MCM9: variants seen among roughly 807,000 people sequenced by gnomAD.
MCM9 encodes minichromosome maintenance 9 homologous recombination repair factor.
A neutral mutation model predicts 72.8 loss-of-function variants in MCM9; 55 were observed. That is an observed-to-expected ratio of 0.76 (90% CI 0.61 to 0.95). The LOEUF (loss-of-function observed/expected upper bound fraction) is 0.95. MCM9 is among the 40% of genes least tolerant of loss of function. The pLI is 0.00. For synonymous variants in MCM9, 480 were observed against 503.4 expected, an observed-to-expected ratio of 0.95 and a Z score of 0.62; for missense variants, 1,279 against 1,377.0, an observed-to-expected ratio of 0.93 and a Z score of 1.13.
At position 118,815,028 on chromosome 6, in the gene MCM9, A is replaced by T; in HGVS notation, c.3228T>A (p.Pro1076=). 1.3e-6 allele frequency: 2 copies of T among 1,550,282 alleles called. No individual in the cohort carries two copies. Among genetic ancestry groups the T allele is most frequent in the Non-Finnish European group, 1.7e-6 (2 of 1,146,720 alleles). The change falls in exon 14 of 14, where the codon CCT becomes CCA. Residue 1076 remains proline (P), a synonymous_variant. Coordinates refer to ENST00000619706, the MANE Select transcript of MCM9 (RefSeq NM_017696.3). ...CTCTCTCACCTCGGTTCTTCCTTTC[A>T]GGAGGAGGGGATTTTGATTTGGATT... ...PSESKSKSPP[P]ERKNRGERGP...
At chr6:118,862,005 T>C (rs1776936695) in intron 8 of MCM9, among the ~76,000 whole-genome samples, 1 of 152,232 alleles carries the variant, frequency 6.6e-6, no homozygotes, top group African/African-American at 2.4e-5. Context: ...CTCCCTGAGC[T>C]TGTCAGCACC....
chr6:118,889,228 G>A (rs1022253826), intron 8 of MCM9, among the ~76,000 whole-genome samples: 2 of 152,082 alleles, frequency 1.3e-5, no homozygotes, highest in African/African-American at 4.8e-5. Context: ...TTACCTATTA[G>A]CTCATTTGTG....
At chr6:118,831,726 A>G (rs902777) in intron 9 of MCM9, among the ~76,000 whole-genome samples, 11,331 of 152,252 alleles carry the variant, frequency 0.074, 655 homozygotes, top group East Asian at 0.19. Flanking sequence ...TACTAAATGA[A>G]TGAATTCATA....
intron 9 of MCM9, among the ~76,000 whole-genome samples, chr6:118,832,126 T>C (rs1774602664): frequency 6.6e-6 from 1 of 152,190 alleles, no homozygotes; most frequent in Non-Finnish European, 1.5e-5. Flanking sequence ...AGTGGAGCAA[T>C]TACAGCTCAC....
chr6:118,934,324 A>C (rs563373106), intron 1 of MCM9: 1 of 152,364 alleles, frequency 6.6e-6, no homozygotes, highest in South Asian at 2.1e-4. Context: ...GTCATTTCAC[A>C]ACTTTCAAGT....
At chr6:118,897,380 G>A (rs1387140020) in intron 8 of MCM9, among the ~76,000 whole-genome samples, 3 of 151,984 alleles carry the variant, frequency 2.0e-5, no homozygotes, top group African/African-American at 4.8e-5. Context: ...ACCCTGGCTG[G>A]ATGTGCTTGA....
At chr6:118,834,808 G>T (rs906781065) in intron 9 of MCM9, among the ~76,000 whole-genome samples, 2 of 151,988 alleles carry the variant, frequency 1.3e-5, no homozygotes, top group Non-Finnish European at 2.9e-5. Context: ...TAGGTTGCCT[G>T]TTCACTCTGA....
intron 9 of MCM9, among the ~76,000 whole-genome samples, chr6:118,849,153 A>G (rs1361199893): frequency 1.3e-5 from 2 of 151,884 alleles, no homozygotes; most frequent in Middle Eastern, 3.2e-3. Context: ...GCAAAGATAT[A>G]TTAGACAAAT....
At chr6:118,860,418 A>G (rs1258878411) in intron 8 of MCM9, among the ~76,000 whole-genome samples, 1 of 152,210 alleles carries the variant, frequency 6.6e-6, no homozygotes, top group Non-Finnish European at 1.5e-5. Flanking sequence ...ACGTCAATTA[A>G]AACTTCCAAA....
Position 118,931,503 on chromosome 6 carries a change from C to G in MCM9, c.221G>C (p.Arg74Pro), listed in dbSNP as rs531682044. Residue 74 changes from arginine to proline, a missense_variant, in exon 3 of 14, where the codon CGA becomes CCA. By Grantham distance (103) the Arg-to-Pro change is moderately radical. Coordinates refer to ENST00000619706, the MANE Select transcript of MCM9 (RefSeq NM_017696.3). ...EVLTIFDSAL[R>P]RSALTILQSL... The stretch of plus-strand genomic sequence containing the variant: ...CTGGAGAATTGTCAAGGCTGACCTT[C>G]GCAGTGCACTATCAAAAATTGTAAG... The G allele has an allele frequency of 1.2e-6, 2 of 1,614,036 alleles. No individual in the cohort carries two copies. The highest frequency in any genetic ancestry group is 1.7e-6 in the Non-Finnish European group (2 of 1,180,042).
At chr6:118,843,684 A>ATATG (rs1554257136) in intron 9 of MCM9, among the ~76,000 whole-genome samples, 4 of 72,732 alleles carry the variant, frequency 5.5e-5, no homozygotes, top group African/African-American at 1.5e-4. Flanking sequence ...GTATATATAT[A>ATATG]TGTGTATATA....
At chr6:118,845,379 T>C (rs1412356377) in intron 9 of MCM9, among the ~76,000 whole-genome samples, 1 of 151,840 alleles carries the variant, frequency 6.6e-6, no homozygotes, top group African/African-American at 2.4e-5. Flanking sequence ...AGTTCAGTAA[T>C]GTGCTCAGCT....
At chr6:118,878,349 A>G (rs1336038910) in intron 8 of MCM9, among the ~76,000 whole-genome samples, 1 of 152,200 alleles carries the variant, frequency 6.6e-6, no homozygotes, top group Admixed American at 6.5e-5. Flanking sequence ...TCAGGCTGAA[A>G]TGAAAAAACA....
chr6:118,850,028 T>C (rs538067044), intron 9 of MCM9, among the ~76,000 whole-genome samples: 19 of 151,916 alleles, frequency 1.3e-4, no homozygotes, highest in Non-Finnish European at 2.6e-4. Context: ...AAACAAGCTA[T>C]ATTTTGCAAA....
chr6:118,887,398 G>C (rs1238932178), intron 8 of MCM9, among the ~76,000 whole-genome samples: 2 of 152,182 alleles, frequency 1.3e-5, no homozygotes, highest in African/African-American at 4.8e-5. Flanking sequence ...CTTTTCAACA[G>C]ATGCTGCTGG....
chr6:118,874,425 G>A (rs998640957), intron 8 of MCM9, among the ~76,000 whole-genome samples: 2 of 152,048 alleles, frequency 1.3e-5, no homozygotes, highest in African/African-American at 4.8e-5. Flanking sequence ...AAGAATAGAG[G>A]AGCAACTTCC....
At chr6:118,852,669 G>A (rs1776307266) in intron 9 of MCM9, among the ~76,000 whole-genome samples, 1 of 152,166 alleles carries the variant, frequency 6.6e-6, no homozygotes, top group Admixed American at 6.5e-5. Context: ...TAGCAACTGG[G>A]CAGAGTGAAT....
Position 118,816,148 on chromosome 6 carries a change from G to A in MCM9, c.2108C>T (p.Ser703Phe), listed in dbSNP as rs1240175518. The A allele has an allele frequency of 2.6e-6, 4 of 1,550,522 alleles. No homozygotes were observed. The highest frequency in any genetic ancestry group is 3.5e-6 in the Non-Finnish European group (4 of 1,146,940). The change falls in exon 14 of 14, where the codon TCT becomes TTT. Residue 703 changes from serine (S) to phenylalanine (F), a missense_variant. Ser to Phe is a radical substitution (Grantham distance 155). Transcript: ENST00000619706. ...GCTTCCCTCGGGGCTGCCTCCAGGA[G>A]AGAAGATATGTGTGCTATAGTTGAT... ...QEINYSTHIF[S>F]PGGSPEGSPV... is the part of the protein sequence containing the mutation.
intron 9 of MCM9, among the ~76,000 whole-genome samples, chr6:118,848,304 T>C (rs1041115403): frequency 6.6e-6 from 1 of 151,850 alleles, no homozygotes; most frequent in South Asian, 2.1e-4. Flanking sequence ...TGGAGTCATA[T>C]GATATTATTT....
Sources: gnomAD v4.1 joint callset for allele counts (sites outside exome capture counted in the v4.1 genomes callset) on GRCh38, gnomAD v4.1.1 for gene constraint, MANE v1.5 for transcripts, NCBI Gene and HGNC (gene_info 2026-07-23, HGNC 2026-07-21) for gene names.